Variants in WDR97 observed in about 807,000 individuals in gnomAD.
The protein encoded by WDR97 is WD repeat-containing protein 97.
Under a neutral mutation model 65.4 loss-of-function variants are expected in WDR97, and 111 were observed. The observed-to-expected ratio is 1.70, with a 90% CI of 1.45 to 1.99. The LOEUF (loss-of-function observed/expected upper bound fraction) is 1.99, where lower values mean the gene tolerates loss of function less well. WDR97 is among the 30% of genes most tolerant of loss of function. The pLI is 0.00. For synonymous variants in WDR97, 802 were observed against 397.7 expected (o/e 2.02, Z -12.10); for missense variants, 1,674 against 865.0 (o/e 1.94, Z -11.73).
Position 144,108,118 on chromosome 8 carries a change from C to T in WDR97, c.172C>T (p.Gln58Ter), listed in dbSNP as rs1015458575. Residue 58 changes from glutamine (Q) to a stop codon, truncating the protein, a stop_gained, in exon 2 of 24, where the codon CAA becomes TAA. Coordinates refer to ENST00000323662, the MANE Select transcript of WDR97 (RefSeq NM_001316309.2). LOFTEE classifies it high-confidence loss of function. The part of the protein sequence containing the change: ...LPFLTSSQQW[Q>*]SLTPRARARR... ...CTTTTTGACCAGCAGCCAACAGTGG[C>T]AAAGCCTGACCCCGCGCGCCCGCGC... 7.1e-6 allele frequency: 5 copies of T among 702,662 alleles called. No individual in the cohort carries two copies. The highest frequency in any genetic ancestry group is 4.0e-5 in the Admixed American group (2 of 50,008). 43.5% of individuals were successfully genotyped at this position (702,662 alleles called of 1,614,324 possible).
Position 144,114,662 on chromosome 8 carries a change from C to T in WDR97, c.3901C>T (p.Pro1301Ser), listed in dbSNP as rs1048311523. Residue 1301 changes from proline (P) to serine (S), a missense_variant, in exon 20 of 24, where the codon CCC (proline) becomes TCC (serine). Physicochemically the swap from Pro to Ser is moderately conservative, Grantham distance 74. Transcript: ENST00000323662. ...GCTCATGTCCTACTTCCTCTACTCT[C>T]CCGTGCACTGCCGGTGAGTTGCGCT... The part of the protein sequence containing the change: ...LELMSYFLYS[P>S]VHCRPELKKL... The T allele has an allele frequency of 7.1e-6, 5 of 702,726 alleles. No individual in the cohort carries two copies. In the African/African-American group the frequency reaches 8.7e-5, roughly 12 times the overall value. 43.5% of individuals were successfully genotyped at this position (702,726 alleles called of 1,614,324 possible).
rs998276293 is a variant in WDR97 at position 144,110,594 on chromosome 8, G to A, written c.2080+17G>A. On this transcript the variant is annotated intron_variant, in intron 7 of 23. Coordinates refer to ENST00000323662, the MANE Select transcript of WDR97 (RefSeq NM_001316309.2). ...ACATCACTGGTGAGGGGGCAGCATG[G>A]GTGAAGCCCAGCCACCGCCCAGCTC... The A allele has an allele frequency of 4.3e-6, 3 of 702,610 alleles. No homozygotes were observed. Among genetic ancestry groups the A allele is most frequent in the Non-Finnish European group, 7.8e-6 (3 of 384,938 alleles). The allele number at this position is 702,610 out of a possible 1,614,324, so 43.5% of individuals were successfully genotyped here.
rs556725162 is a variant in WDR97 at position 144,113,797 on chromosome 8, G to C, written c.3324G>C (p.Lys1108Asn). 4.8e-4 allele frequency: 338 copies of C among 702,766 alleles called. No individual in the cohort carries two copies. Among genetic ancestry groups the C allele is most frequent in the Non-Finnish European group, 7.2e-4 (276 of 384,808 alleles). The allele number at this position is 702,766 out of a possible 1,614,324, so 43.5% of individuals were successfully genotyped here. The change falls in exon 17 of 24, where the codon AAG (lysine) becomes AAC (asparagine). Residue 1108 changes from lysine to asparagine, a missense_variant. By Grantham distance (94) the Lys-to-Asn change is moderately conservative. Coordinates refer to ENST00000323662, the MANE Select transcript of WDR97 (RefSeq NM_001316309.2). Reference sequence around the variant, plus strand: ...ACAAGAAGGAAGAGGAGGAGGAGAAGGAAGACGAGGAGCTGGACTGGGCCT... The same window carrying C: ...ACAAGAAGGAAGAGGAGGAGGAGAACGAAGACGAGGAGCTGGACTGGGCCT... The part of the protein sequence containing the change: ...EEDKKEEEEE[K>N]EDEELDWALA...
In WDR97 at chr8:144,116,368, A is replaced by C. The variant is rs1397321856; in HGVS notation, c.*75A>C. ...TTGGCCAAGGCCTGCATCGGGAATA[A>C]AGTCCAGAGAATTTCTTTCTGCAGG... On this transcript the variant is annotated 3_prime_UTR_variant, in exon 24 of 24. Transcript: ENST00000323662. 3 of 560,904 alleles carry C rather than the reference A, an allele frequency of 5.3e-6. No individual in the cohort carries two copies. In the East Asian group the frequency reaches 9.1e-5, roughly 17 times the overall value. The allele number at this position is 560,904 out of a possible 1,614,324, so 34.7% of individuals were successfully genotyped here. A position where few individuals can be genotyped will look rare whatever the true frequency, so the allele number is the denominator to read the frequency against.
chr8:144,109,973 C>T lies in WDR97; in HGVS notation c.1639C>T (p.Arg547Cys). The stretch of plus-strand genomic sequence containing the variant: ...CGCCTTCTCCTCCTGGGAGATCGTG[C>T]GCCAGCACTGGGGCGAGTTGCGCTG... ...EGAFSSWEIV[R>C]QHWGELRCSS... The change falls in exon 5 of 24, where the codon CGC becomes TGC. Residue 547 changes from arginine (R) to cysteine (C), a missense_variant. By Grantham distance (180) the Arg-to-Cys change is radical. Transcript: ENST00000323662. The T allele has an allele frequency of 1.4e-6, 1 of 701,628 alleles. No homozygotes were observed. The highest frequency in any genetic ancestry group is 2.6e-6 in the Non-Finnish European group (1 of 384,320). The allele number at this position is 701,628 out of a possible 1,614,324, so 43.5% of individuals were successfully genotyped here.
rs950473017 is a variant in WDR97, at chr8:144,111,934, C to T, written c.2685C>T (p.Leu895=). 3 of 702,426 alleles carry T rather than the reference C, an allele frequency of 4.3e-6. No homozygotes were observed. In the African/African-American group the frequency reaches 5.2e-5, roughly 12 times the overall value. The allele number at this position is 702,426 out of a possible 1,614,324, so 43.5% of individuals were successfully genotyped here. ...RGSQQWSAGT[L]RVERETRDVC... ...CCCAGCAGTGGAGTGCCGGGACCCT[C>T]AGAGTGGAGAGAGAGACCCGGGATG... Residue 895 remains leucine (L), a synonymous_variant, in exon 13 of 24, where the codon CTC becomes CTT. Coordinates refer to ENST00000323662, the MANE Select transcript of WDR97 (RefSeq NM_001316309.2).
At position 144,108,740 on chromosome 8, in the gene WDR97, TCCGTTCAGGTGGTC is replaced by T; in HGVS notation, c.675_688del (p.Phe225LeufsTer93). ...AACAGCAGCCTGGCGCTCTGGCAGT[TCCGTTCAGGTGGTC>T]GCCGCCTGGTGCTGCGAGGGTCAGC... On this transcript the variant is annotated frameshift_variant, in exon 3 of 24. Coordinates refer to ENST00000323662, the MANE Select transcript of WDR97 (RefSeq NM_001316309.2). LOFTEE classifies it high-confidence loss of function. The T allele has an allele frequency of 1.4e-6, 1 of 701,268 alleles. No homozygotes were observed. The highest frequency in any genetic ancestry group is 1.5e-5 in the South Asian group (1 of 67,536). 43.4% of individuals were successfully genotyped at this position (701,268 alleles called of 1,614,324 possible).
chr8:144,110,983 C>A lies in WDR97; in HGVS notation c.2291C>A (p.Ser764Tyr). The change falls in exon 9 of 24, where the codon TCC (serine) becomes TAC (tyrosine). Residue 764 changes from serine to tyrosine, a missense_variant. Ser to Tyr is a moderately radical substitution (Grantham distance 144). Coordinates refer to ENST00000323662, the MANE Select transcript of WDR97 (RefSeq NM_001316309.2). ...TCCCACAGGCTCTACCTGCCTACAT[C>A]CTACCTAGTTAAGGTGTGTGGTGAG... ...LVSHRLYLPT[S>Y]YLVKKMCRKA... The A allele has an allele frequency of 1.4e-6, 1 of 702,798 alleles. No homozygotes were observed. The highest frequency in any genetic ancestry group is 2.0e-5 in the Admixed American group (1 of 50,018). The allele number at this position is 702,798 out of a possible 1,614,324, so 43.5% of individuals were successfully genotyped here.
At position 144,111,415 on chromosome 8, in the gene WDR97, CCT is replaced by C; in HGVS notation, c.2427-10_2427-9del. On this transcript the variant is annotated splice_polypyrimidine_tract_variant and intron_variant, in intron 10 of 23. Coordinates refer to ENST00000323662, the MANE Select transcript of WDR97 (RefSeq NM_001316309.2). ...ACCCAGCATCCCACCTGTGCCTGTC[CCT>C]GTTTGCAGCGAGGCCTTGTCTCTCA... 1.0e-5 allele frequency: 7 copies of C among 702,828 alleles called. No individual in the cohort carries two copies. Among genetic ancestry groups the C allele is most frequent in the South Asian group, 8.9e-5 (6 of 67,610 alleles). 43.5% of individuals were successfully genotyped at this position (702,828 alleles called of 1,614,324 possible).
Position 144,115,820 on chromosome 8 carries a change from G to T in WDR97, c.4557G>T (p.Pro1519=), listed in dbSNP as rs924542821. ...CGCCAGAGCCCTACACGGTGGCGCCGGTGCCCGACATGGTGGTGCCACCTC... is the reference window on the plus strand; with the variant it reads ...CGCCAGAGCCCTACACGGTGGCGCCTGTGCCCGACATGGTGGTGCCACCTC... ...PHPPEPYTVA[P]VPDMVVPPPR... Residue 1519 remains proline, a synonymous_variant, in exon 22 of 24, where the codon CCG becomes CCT. Transcript: ENST00000323662. 9 of 687,448 alleles carry T rather than the reference G, an allele frequency of 1.3e-5. No individual in the cohort carries two copies. In the African/African-American group the frequency reaches 1.6e-4, roughly 12 times the overall value. 42.6% of individuals were successfully genotyped at this position (687,448 alleles called of 1,614,324 possible).
At chr8:144,110,066 G>C in intron 5 of WDR97, 32 bp downstream of exon 5, 1 of 696,096 alleles carries the variant, frequency 1.4e-6, no homozygotes. Flanking sequence ...GGTCTGGCGG[G>C]CGGAAGGAGC....
chr8:144,110,168 C>A lies in WDR97; in HGVS notation c.1755C>A (p.Leu585=), dbSNP rs553396531. 9 of 702,914 alleles carry A rather than the reference C, an allele frequency of 1.3e-5. No homozygotes were observed. The East Asian group carries it at 2.4e-4, about 19-fold the overall frequency. The allele number at this position is 702,914 out of a possible 1,614,324, so 43.5% of individuals were successfully genotyped here. A position where few individuals can be genotyped will look rare whatever the true frequency, so the allele number is the denominator to read the frequency against. The change falls in exon 6 of 24, where the codon CTC becomes CTA. Residue 585 remains leucine (L), a synonymous_variant. Coordinates refer to ENST00000323662, the MANE Select transcript of WDR97 (RefSeq NM_001316309.2). ...GCACGCTGTCGGTGCTGGAGTGGCT[C>A]TCGTCGAAGACTGTCTTCCAAACGG... ...TDGTLSVLEW[L]SSKTVFQTEA... is the part of the protein sequence containing the mutation.
rs762176115 is a variant in WDR97 at position 144,114,352 on chromosome 8, C to T, written c.3669C>T (p.Val1223=). ...CCCTGCTGGAGAAGACCACGTGGGT[C>T]GACCGTGTGCACATCCTGCAGGTGC... The part of the protein sequence containing the change: ...LVALLEKTTW[V]DRVHILQVLL... Residue 1223 remains valine, a synonymous_variant, in exon 19 of 24, where the codon GTC becomes GTT. Coordinates refer to ENST00000323662, the MANE Select transcript of WDR97 (RefSeq NM_001316309.2). 7.4e-5 allele frequency: 52 copies of T among 702,610 alleles called. No homozygotes were observed. Among genetic ancestry groups the T allele is most frequent in the South Asian group, 7.4e-5 (5 of 67,606 alleles). The allele number at this position is 702,610 out of a possible 1,614,324, so 43.5% of individuals were successfully genotyped here. A position where few individuals can be genotyped will look rare whatever the true frequency, so the allele number is the denominator to read the frequency against.
chr8:144,110,370 G>A lies in WDR97; in HGVS notation c.1873G>A (p.Val625Ile), dbSNP rs758766664. ...GGDLTVKMWR[V>I]FPYAEESLSL... ...GGACCTGACGGTGAAGATGTGGCGC[G>A]TCTTCCCCTATGCCGAAGAGAGCCT... is the stretch of plus-strand genomic sequence containing the variant. Residue 625 changes from valine to isoleucine, a missense_variant, in exon 7 of 24, where the codon GTC (valine) becomes ATC (isoleucine). Val to Ile is a conservative substitution (Grantham distance 29). Transcript: ENST00000323662. 115 of 702,832 alleles carry A rather than the reference G, an allele frequency of 1.6e-4. No individual in the cohort carries two copies. Among genetic ancestry groups the A allele is most frequent in the African/African-American group, 1.6e-3 (89 of 57,278 alleles). 43.5% of individuals were successfully genotyped at this position (702,832 alleles called of 1,614,324 possible).
In WDR97 at chr8:144,107,773, C is replaced by A. The variant is rs554578937; in HGVS notation, c.23C>A (p.Ala8Glu). Residue 8 changes from alanine (A) to glutamate (E), a missense_variant, in exon 1 of 24, where the codon GCA (alanine) becomes GAA (glutamate). Transcript: ENST00000323662. The part of the protein sequence containing the change: MEAEVWE[A>E]EGYNLVLDSD... ...GAAATGGAGGCAGAGGTGTGGGAGG[C>A]AGAAGGCTACAACCTAGTTCTGGAC... 1.4e-6 allele frequency: 1 copy of A among 702,728 alleles called. No homozygotes were observed. The highest frequency in any genetic ancestry group is 1.5e-5 in the South Asian group (1 of 67,614). 43.5% of individuals were successfully genotyped at this position (702,728 alleles called of 1,614,324 possible).
chr8:144,116,413 G>T lies in WDR97; in HGVS notation c.*120G>T, dbSNP rs1228763997. On this transcript the variant is annotated 3_prime_UTR_variant, in exon 24 of 24. Transcript: ENST00000323662. ...TGCAGGATGCCGCCTGCTTTGGAGG[G>T]CCCCGGGGTGCGCACGGCGTGTGGG... 1.8e-6 allele frequency: 1 copy of T among 556,772 alleles called. No individual in the cohort carries two copies. The allele number at this position is 556,772 out of a possible 1,614,324, so 34.5% of individuals were successfully genotyped here.
At position 144,109,985 on chromosome 8, in the gene WDR97, G is replaced by A. The variant is rs975875666; in HGVS notation, c.1651G>A (p.Gly551Ser). 24 of 701,200 alleles carry A rather than the reference G, an allele frequency of 3.4e-5. No homozygotes were observed. The highest frequency in any genetic ancestry group is 2.3e-4 in the Middle Eastern group (1 of 4,382). 43.4% of individuals were successfully genotyped at this position (701,200 alleles called of 1,614,324 possible). ...SSWEIVRQHWGELRCSSVACA... is the reference protein window; with the variant it reads ...SSWEIVRQHWSELRCSSVACA... ...CTGGGAGATCGTGCGCCAGCACTGG[G>A]GCGAGTTGCGCTGCAGCTCTGTGGC... is the stretch of plus-strand genomic sequence containing the variant. The change falls in exon 5 of 24, where the codon GGC becomes AGC. Residue 551 changes from glycine to serine, a missense_variant. Coordinates refer to ENST00000323662, the MANE Select transcript of WDR97 (RefSeq NM_001316309.2).
rs1836449278 is a variant in WDR97, at chr8:144,107,867, G to C, written c.112+5G>C. 8.5e-6 allele frequency: 6 copies of C among 702,836 alleles called. No individual in the cohort carries two copies. Among genetic ancestry groups the C allele is most frequent in the South Asian group, 7.4e-5 (5 of 67,608 alleles). The allele number at this position is 702,836 out of a possible 1,614,324, so 43.5% of individuals were successfully genotyped here. A position where few individuals can be genotyped will look rare whatever the true frequency, so the allele number is the denominator to read the frequency against. ...GGCTGCTCACCGAAAAGAATGGTGA[G>C]GGGGCCTGGCCTCGCCCTCCGGGCA... On this transcript the variant is annotated splice_donor_5th_base_variant and intron_variant, in intron 1 of 23. Coordinates refer to ENST00000323662, the MANE Select transcript of WDR97 (RefSeq NM_001316309.2).
At position 144,114,279 on chromosome 8, in the gene WDR97, C is replaced by T. The variant is rs1026768249; in HGVS notation, c.3596C>T (p.Ala1199Val). 7.1e-6 allele frequency: 5 copies of T among 700,602 alleles called. No homozygotes were observed. In the African/African-American group the frequency reaches 8.7e-5, roughly 12 times the overall value. The allele number at this position is 700,602 out of a possible 1,614,324, so 43.4% of individuals were successfully genotyped here. A position where few individuals can be genotyped will look rare whatever the true frequency, so the allele number is the denominator to read the frequency against. Residue 1199 changes from alanine (A) to valine (V), a missense_variant and splice_region_variant, in exon 19 of 24, where the codon GCA (alanine) becomes GTA (valine). Coordinates refer to ENST00000323662, the MANE Select transcript of WDR97 (RefSeq NM_001316309.2). Reference protein sequence around the residue: ...KKLFPIFSLQAYPEAGTIEGL... With the variant: ...KKLFPIFSLQVYPEAGTIEGL... ...GGGCCTCAGCATGCTACCCTGCAGG[C>T]ATACCCGGAGGCGGGCACGATCGAG...
Sources: gnomAD v4.1 joint callset for allele counts on GRCh38, gnomAD v4.1.1 for gene constraint, MANE v1.5 for transcripts, NCBI Gene and HGNC (gene_info 2026-07-23, HGNC 2026-07-21) for gene names.